CLVS1: variants seen among roughly 807,000 people sequenced by gnomAD.
CLVS1 encodes clavesin 1, also known as clavesin-1.
A neutral mutation model predicts 33.1 loss-of-function variants in CLVS1; 10 were observed. That is an observed-to-expected ratio of 0.30 (90% CI 0.19 to 0.51). The LOEUF (loss-of-function observed/expected upper bound fraction) is 0.51. Ranked by LOEUF, CLVS1 falls within the 20% of genes least tolerant of loss-of-function variation. The pLI, the probability that CLVS1 is intolerant of heterozygous loss-of-function variation, is 0.97. For missense variants in CLVS1, 343 were observed against 433.4 expected, an observed-to-expected ratio of 0.79 and a Z score of 1.85; for synonymous variants, 163 against 166.1, an observed-to-expected ratio of 0.98 and a Z score of 0.14.
intron 3 of CLVS1, among the ~76,000 whole-genome samples, chr8:61,381,874 T>C (rs1172426710): frequency 6.6e-6 from 1 of 152,218 alleles, no homozygotes; most frequent in Non-Finnish European, 1.5e-5. Context: ...ATGTCTTTGC[T>C]ATTGTGATAG....
intron 2 of CLVS1, among the ~76,000 whole-genome samples, chr8:61,222,337 C>T (rs1483640159): frequency 6.6e-6 from 1 of 152,108 alleles, no homozygotes; most frequent in African/African-American, 2.4e-5. Flanking sequence ...AAATTTCTCT[C>T]TTAATACTGC....
intron 3 of CLVS1, among the ~76,000 whole-genome samples, chr8:61,451,812 C>CACAGAGAG (rs375319471): frequency 1.1e-4 from 16 of 142,936 alleles, no homozygotes; most frequent in Middle Eastern, 3.5e-3. Context: ...CACACACACA[C>CACAGAGAG]AGAGAGAGAG....
chr8:60,972,520 C>A, the CLVS1 span, among the ~76,000 whole-genome samples: 3 of 152,162 alleles, frequency 2.0e-5, no homozygotes, highest in African/African-American at 7.2e-5. Context: ...TGATTACCAG[C>A]CATTATTCTG....
chr8:61,034,255 A>G, the CLVS1 span, among the ~76,000 whole-genome samples: 49 of 152,286 alleles, frequency 3.2e-4, no homozygotes, highest in African/African-American at 1.2e-3. Flanking sequence ...ATTTATTTTT[A>G]ATTGACAAAT....
intron 2 of CLVS1, among the ~76,000 whole-genome samples, chr8:61,364,838 T>C (rs779660367): frequency 6.6e-6 from 1 of 152,250 alleles, no homozygotes; most frequent in South Asian, 2.1e-4. Flanking sequence ...GTAGGCAATT[T>C]CCTGAGTTAA....
At chr8:61,009,521 T>G in the CLVS1 span, among the ~76,000 whole-genome samples, 1 of 104,310 alleles carries the variant, frequency 9.6e-6, no homozygotes, top group Non-Finnish European at 2.0e-5. Context: ...ATATACTTGC[T>G]TATTAATGAG....
chr8:61,265,506 A>G (rs1041802841), intron 2 of CLVS1, among the ~76,000 whole-genome samples: 2 of 152,250 alleles, frequency 1.3e-5, no homozygotes, highest in African/African-American at 4.8e-5. Flanking sequence ...CACTCAATTT[A>G]GTGCCTAACA....
intron 3 of CLVS1, among the ~76,000 whole-genome samples, chr8:61,394,027 C>A (rs1429100775): frequency 2.0e-5 from 3 of 152,136 alleles, no homozygotes; most frequent in Admixed American, 1.3e-4. Flanking sequence ...ACCCTTTTAC[C>A]TCTTAAAATC....
At chr8:61,202,491 C>T in intron 2 of CLVS1, 1 of 918,918 alleles carries the variant, frequency 1.1e-6, no homozygotes, top group East Asian at 2.4e-5. Flanking sequence ...TAAGAACGGT[C>T]AGTTTAGGGG....
At chr8:61,246,167 C>CTTTTTTTTTTTTTTTTTTTTTTTTTTTT (rs1188366643) in intron 2 of CLVS1, among the ~76,000 whole-genome samples, 1 of 82,240 alleles carries the variant, frequency 1.2e-5, no homozygotes, top group African/African-American at 4.6e-5. Flanking sequence ...TCCTTCCCAA[C>CTTTTTTTTTTTTTTTTTTTTTTTTTTTT]TTTTTTTTTT....
intron 2 of CLVS1, among the ~76,000 whole-genome samples, chr8:61,186,830 A>T (rs1347382161): frequency 6.6e-6 from 1 of 152,228 alleles, no homozygotes; most frequent in African/African-American, 2.4e-5. Context: ...TTCAGAAAGG[A>T]GTGAACTGAC....
the CLVS1 span, among the ~76,000 whole-genome samples, chr8:61,020,261 G>A: frequency 6.6e-6 from 1 of 152,248 alleles, no homozygotes; most frequent in African/African-American, 2.4e-5. Context: ...CTTTTGAGAA[G>A]TAGCCTCAGT....
the CLVS1 span, among the ~76,000 whole-genome samples, chr8:61,041,081 G>A: frequency 1.3e-5 from 2 of 152,034 alleles, no homozygotes; most frequent in African/African-American, 4.8e-5. Flanking sequence ...ACTATTTATT[G>A]AATATGGAGT....
chr8:61,426,049 C>G (rs1028085379), intron 3 of CLVS1, among the ~76,000 whole-genome samples: 1 of 152,140 alleles, frequency 6.6e-6, no homozygotes, highest in East Asian at 1.9e-4. Context: ...GAGTTAGAAC[C>G]TGGCTCCAAT....
At chr8:61,397,388 AT>A (rs1427126593) in intron 3 of CLVS1, among the ~76,000 whole-genome samples, 3 of 152,160 alleles carry the variant, frequency 2.0e-5, no homozygotes, top group Admixed American at 2.0e-4. Flanking sequence ...CCAACTTTTA[AT>A]TTTTTTAATT....
chr8:61,249,526 C>A (rs1299979891), intron 2 of CLVS1, among the ~76,000 whole-genome samples: 1 of 152,174 alleles, frequency 6.6e-6, no homozygotes, highest in Admixed American at 6.5e-5. Context: ...AACTAATTTA[C>A]ACTCCCACCA....
At chr8:61,224,234 G>C (rs1808282572) in intron 2 of CLVS1, among the ~76,000 whole-genome samples, 1 of 152,072 alleles carries the variant, frequency 6.6e-6, no homozygotes, top group Admixed American at 6.6e-5. Flanking sequence ...TGATCATCTG[G>C]AGGAAAGAGG....
chr8:61,370,044 A>G (rs1364728576), intron 2 of CLVS1, among the ~76,000 whole-genome samples: 1 of 152,196 alleles, frequency 6.6e-6, no homozygotes, highest in African/African-American at 2.4e-5. Flanking sequence ...AATGTTTTGC[A>G]CCTATAACCA....
At chr8:61,183,706 C>G (rs1355192581) in intron 2 of CLVS1, among the ~76,000 whole-genome samples, 2 of 152,120 alleles carry the variant, frequency 1.3e-5, no homozygotes, top group African/African-American at 4.8e-5. Context: ...TTCCTCTTAG[C>G]ATTTGCAACT....
Sources: allele counts gnomAD v4.1 joint callset (sites outside exome capture counted in the v4.1 genomes callset), GRCh38; gene constraint gnomAD v4.1.1; transcripts MANE v1.5; gene names NCBI Gene and HGNC (gene_info 2026-07-23, HGNC 2026-07-21).